Variants in ERC1 observed in about 807,000 individuals in gnomAD.
ERC1 encodes the protein RAB6 interacting protein 2.
ERC1 carries 56 observed loss-of-function variants against 132.0 expected under a neutral mutation model. That is an observed-to-expected ratio of 0.42 (90% confidence interval 0.34 to 0.53). The LOEUF (loss-of-function observed/expected upper bound fraction) is 0.53. ERC1 is among the 20% of genes least tolerant of loss of function. ERC1 has a pLI of 0.03. For missense variants in ERC1, 1,202 were observed against 1,349.9 expected, an observed-to-expected ratio of 0.89 and a Z score of 1.72; for synonymous variants, 478 against 476.1, an observed-to-expected ratio of 1.00 and a Z score of -0.05.
intron 13 of ERC1, among the ~76,000 whole-genome samples, chr12:1,259,798 C>G (rs575405152): frequency 6.6e-6 from 1 of 152,224 alleles, no homozygotes; most frequent in Non-Finnish European, 1.5e-5. Flanking sequence ...GCTGGGATTG[C>G]AGGCGTGAGC....
At chr12:1,311,004 A>C (rs1333846261) in intron 15 of ERC1, among the ~76,000 whole-genome samples, 1 of 152,270 alleles carries the variant, frequency 6.6e-6, no homozygotes, top group Non-Finnish European at 1.5e-5. Flanking sequence ...AAAATCTGCC[A>C]ATGATATAAC....
chr12:1,093,703 A>G (rs973560775), intron 3 of ERC1, among the ~76,000 whole-genome samples: 131 of 151,994 alleles, frequency 8.6e-4, no homozygotes, highest in African/African-American at 3.1e-3. Flanking sequence ...CTATCGTGTT[A>G]GGTTTGCAAA....
intron 11 of ERC1, among the ~76,000 whole-genome samples, chr12:1,184,309 G>A (rs1954826666): frequency 6.7e-6 from 1 of 149,248 alleles, no homozygotes; most frequent in African/African-American, 2.5e-5. Context: ...GGCACATATT[G>A]TCAGAAAGTT....
intron 4 of ERC1, among the ~76,000 whole-genome samples, chr12:1,108,464 T>A (rs1177396726): frequency 6.6e-6 from 1 of 152,196 alleles, no homozygotes; most frequent in Non-Finnish European, 1.5e-5. Context: ...TCCAGTTTCA[T>A]TACCACTCAG....
intron 1 of ERC1, among the ~76,000 whole-genome samples, chr12:1,021,741 TC>T (rs1461152866): frequency 6.6e-6 from 1 of 151,510 alleles, no homozygotes; most frequent in Admixed American, 6.6e-5. Flanking sequence ...AGCCCAATGT[TC>T]CTTAGCTGTG....
chr12:1,322,267 ATAG>A (rs1197854858), intron 15 of ERC1, among the ~76,000 whole-genome samples: 1 of 151,596 alleles, frequency 6.6e-6, no homozygotes. Context: ...TGTACAGTAG[ATAG>A]TAGGCTCTCA....
intron 15 of ERC1, among the ~76,000 whole-genome samples, chr12:1,332,402 G>T (rs2082937721): frequency 6.6e-6 from 1 of 152,176 alleles, no homozygotes; most frequent in South Asian, 2.1e-4. Context: ...TTAAACTCAT[G>T]TATCTTCTCT....
chr12:1,181,565 G>A (rs1160123371), intron 9 of ERC1, among the ~76,000 whole-genome samples: 5 of 152,068 alleles, frequency 3.3e-5, no homozygotes, highest in African/African-American at 1.2e-4. Flanking sequence ...TTGGGAGGCC[G>A]AGGCGGGTGG....
intron 17 of ERC1, among the ~76,000 whole-genome samples, chr12:1,421,456 C>T (rs1007148862): frequency 3.3e-5 from 5 of 151,996 alleles, no homozygotes; most frequent in Non-Finnish European, 4.4e-5. Context: ...GTTGGGGTTG[C>T]GATCATAGAG....
chr12:1,352,701 T>C (rs140002494), intron 15 of ERC1, among the ~76,000 whole-genome samples: 1 of 150,858 alleles, frequency 6.6e-6, no homozygotes, highest in East Asian at 1.9e-4. Flanking sequence ...TCCATGCACA[T>C]AGTGGTCGCA....
chr12:1,306,383 G>A (rs1294743591), intron 15 of ERC1, among the ~76,000 whole-genome samples: 1 of 152,184 alleles, frequency 6.6e-6, no homozygotes, highest in Non-Finnish European at 1.5e-5. Context: ...GTAGAAAATT[G>A]GAGGAGTAAA....
intron 15 of ERC1, among the ~76,000 whole-genome samples, chr12:1,312,924 A>G (rs2081412319): frequency 2.0e-5 from 3 of 151,986 alleles, no homozygotes; most frequent in African/African-American, 7.3e-5. Flanking sequence ...ACTCTCCATC[A>G]TTACTTTTGG....
intron 9 of ERC1, 140 bp downstream of exon 9, chr12:1,180,817 AG>A: frequency 1.0e-6 from 1 of 1,001,836 alleles, no homozygotes; most frequent in South Asian, 1.7e-5. Flanking sequence ...CGTAGTGTGA[AG>A]GGAAACATTT....
At chr12:1,000,282 CA>C (rs771594695) in intron 1 of ERC1, among the ~76,000 whole-genome samples, 9 of 151,966 alleles carry the variant, frequency 5.9e-5, no homozygotes, top group Admixed American at 1.3e-4. Flanking sequence ...GCCAGGAGTT[CA>C]AGACCAGCCT....
At chr12:1,308,700 T>A (rs977216790) in intron 15 of ERC1, among the ~76,000 whole-genome samples, 1 of 152,212 alleles carries the variant, frequency 6.6e-6, no homozygotes, top group Non-Finnish European at 1.5e-5. Context: ...TCATCAAATG[T>A]GTGATTGTTG....
At chr12:1,047,398 C>T (rs11061618) in intron 2 of ERC1, among the ~76,000 whole-genome samples, 1 of 151,690 alleles carries the variant, frequency 6.6e-6, no homozygotes, top group Non-Finnish European at 1.5e-5. Flanking sequence ...CCCCACCCCC[C>T]AAAAAAAGCC....
intron 7 of ERC1, among the ~76,000 whole-genome samples, chr12:1,134,144 G>A (rs1327800898): frequency 6.6e-6 from 1 of 151,966 alleles, no homozygotes; most frequent in Non-Finnish European, 1.5e-5. Flanking sequence ...TTTAAGCTTT[G>A]TTAGATGGTA....
chr12:1,127,044 G>A (rs1844740335), intron 7 of ERC1, among the ~76,000 whole-genome samples: 1 of 147,948 alleles, frequency 6.8e-6, no homozygotes, highest in Non-Finnish European at 1.5e-5. Flanking sequence ...TATAGGGAGA[G>A]GGAAGGATTT....
chr12:1,244,900 C>T (rs906530084), intron 13 of ERC1: 9 of 153,750 alleles, frequency 5.9e-5, no homozygotes, highest in East Asian at 1.9e-4. Context: ...TTGCTAGTTA[C>T]GTTAAAAAGC....
Sources: gnomAD v4.1 joint callset for allele counts (sites outside exome capture counted in the v4.1 genomes callset) on GRCh38, gnomAD v4.1.1 for gene constraint, MANE v1.5 for transcripts, NCBI Gene and HGNC (gene_info 2026-07-23, HGNC 2026-07-21) for gene names.